GPM6A: variants seen among roughly 807,000 people sequenced by gnomAD.
The protein encoded by GPM6A is glycoprotein M6A, also known as neuronal membrane glycoprotein M6-a.
GPM6A carries 7 observed loss-of-function variants against 32.1 expected under a neutral mutation model. The observed-to-expected ratio is 0.22, with a 90% CI of 0.12 to 0.41. The LOEUF (loss-of-function observed/expected upper bound fraction) is 0.41, where lower values mean the gene tolerates loss of function less well. Ranked by LOEUF, GPM6A falls within the 10% of genes least tolerant of loss-of-function variation. The pLI, the probability that GPM6A is intolerant of heterozygous loss-of-function variation, is 1.00. For synonymous variants in GPM6A, 130 were observed against 123.4 expected (o/e 1.05, Z -0.35); for missense variants, 235 against 347.2 (o/e 0.68, Z 2.57).
chr4:175,886,877 T>C (rs1046333648), intron 1 of GPM6A, among the ~76,000 whole-genome samples: 1 of 151,678 alleles, frequency 6.6e-6, no homozygotes, highest in Non-Finnish European at 1.5e-5. Context: ...ACTTATAAGA[T>C]ACAAGTGTGG....
chr4:175,954,557 C>T lies in GPM6A; in HGVS notation c.-23+47752G>A, dbSNP rs575902567. Among the ~76,000 whole-genome samples the T allele has an allele frequency of 1.2e-3, 182 of 152,232 alleles. 1 individual carries two copies. Among genetic ancestry groups the T allele is most frequent in the African/African-American group, 4.2e-3 (174 of 41,526 alleles). ...ACACTGAGTTTTGTCTATCATTTTT[C>T]CACCCGAAGAGTCAAGCCAAAGCAA... On this transcript the variant is annotated intron_variant, in intron 1 of 7. Transcript: ENST00000280187.
intron 1 of GPM6A, among the ~76,000 whole-genome samples, chr4:175,792,134 A>G (rs1734035594): frequency 6.6e-6 from 1 of 152,166 alleles, no homozygotes; most frequent in East Asian, 1.9e-4. Flanking sequence ...ATAAAAATAT[A>G]TTTCAGTCTC....
chr4:175,967,557 AAAT>A (rs1428324004), intron 1 of GPM6A, among the ~76,000 whole-genome samples: 1 of 152,206 alleles, frequency 6.6e-6, no homozygotes, highest in Non-Finnish European at 1.5e-5. Flanking sequence ...TAAATTAATA[AAAT>A]ATTATTTTCA....
chr4:175,778,702 T>C (rs906760157), intron 1 of GPM6A, among the ~76,000 whole-genome samples: 2 of 149,020 alleles, frequency 1.3e-5, no homozygotes, highest in African/African-American at 4.9e-5. Flanking sequence ...AACAACATAG[T>C]TTTTTCCTTA....
intron 1 of GPM6A, among the ~76,000 whole-genome samples, chr4:175,768,131 T>A (rs1240015661): frequency 6.6e-6 from 1 of 152,190 alleles, no homozygotes; most frequent in East Asian, 1.9e-4. Context: ...TTTGTTTTAA[T>A]TACCTCTGAT....
intron 1 of GPM6A, among the ~76,000 whole-genome samples, chr4:175,877,193 T>A (rs563454602): frequency 6.6e-6 from 1 of 152,252 alleles, no homozygotes; most frequent in Admixed American, 6.5e-5. Flanking sequence ...TGTGGCACAA[T>A]CCTCTGCACC....
intron 1 of GPM6A, among the ~76,000 whole-genome samples, chr4:175,865,430 T>C (rs1736704727): frequency 6.6e-6 from 1 of 152,216 alleles, no homozygotes. Context: ...GATTTTTGTG[T>C]AAATTTAAGA....
chr4:175,848,589 A>G (rs1029919860), intron 1 of GPM6A, among the ~76,000 whole-genome samples: 3 of 152,182 alleles, frequency 2.0e-5, no homozygotes, highest in African/African-American at 7.2e-5. Flanking sequence ...TGAAGATCAA[A>G]TTCTGGCTTT....
chr4:175,652,669 CA>C (rs1227184248), intron 3 of GPM6A, among the ~76,000 whole-genome samples: 1 of 151,760 alleles, frequency 6.6e-6, no homozygotes, highest in Non-Finnish European at 1.5e-5. Context: ...AAAGTGTATA[CA>C]AGGTGTTCAT....
At chr4:175,704,330 C>T (rs1745045760) in intron 1 of GPM6A, among the ~76,000 whole-genome samples, 1 of 151,882 alleles carries the variant, frequency 6.6e-6, no homozygotes, top group East Asian at 2.0e-4. Flanking sequence ...CTCACACACA[C>T]ACACACACGT....
At chr4:175,721,111 A>G (rs1290034707) in intron 1 of GPM6A, among the ~76,000 whole-genome samples, 8 of 144,950 alleles carry the variant, frequency 5.5e-5, no homozygotes, top group African/African-American at 2.0e-4. Context: ...GTATATATAT[A>G]TATTTTCTAT....
rs539429765 is a variant in GPM6A, at chr4:175,697,550, T to G, written c.230+4025A>C. Among the ~76,000 whole-genome samples the G allele has an allele frequency of 1.8e-3, 272 of 152,260 alleles. 1 individual carries two copies. Among genetic ancestry groups the G allele is most frequent in the African/African-American group, 6.1e-3 (254 of 41,562 alleles). ...TCCTAATGGATAAGAAGTTGCACACTTCTTATCAAAACAGTTTGGAACTAA... is the reference window on the plus strand; with the variant it reads ...TCCTAATGGATAAGAAGTTGCACACGTCTTATCAAAACAGTTTGGAACTAA... On this transcript the variant is annotated intron_variant, in intron 2 of 6. Transcript: ENST00000393658.
intron 1 of GPM6A, among the ~76,000 whole-genome samples, chr4:175,935,033 A>ATCTC (rs1396677787): frequency 6.6e-6 from 1 of 152,202 alleles, no homozygotes; most frequent in Non-Finnish European, 1.5e-5. Context: ...AGGAATAATA[A>ATCTC]TCTCTCAGTC....
rs1004395423 is a variant in GPM6A, at chr4:175,959,085, A to G, written c.-23+43224T>C. ...AATATAGGTAGGAATAGTAGACGGA[A>G]GGAAAACTAAATTATTCTACAAAAT... On this transcript the variant is annotated intron_variant, in intron 1 of 7. Coordinates refer to the GPM6A transcript ENST00000280187. Among the ~76,000 whole-genome samples the G allele has an allele frequency of 3.6e-4, 55 of 152,228 alleles. 1 individual carries two copies. The highest frequency in any genetic ancestry group is 1.3e-3 in the African/African-American group (53 of 41,464).
intron 1 of GPM6A, among the ~76,000 whole-genome samples, chr4:175,882,142 A>C (rs1036666940): frequency 1.3e-5 from 2 of 151,994 alleles, no homozygotes. Context: ...AGCTATTTCC[A>C]CTGTTTCCAT....
chr4:175,979,060 C>T (rs966954362), intron 1 of GPM6A, among the ~76,000 whole-genome samples: 43 of 151,826 alleles, frequency 2.8e-4, no homozygotes, highest in Non-Finnish European at 1.2e-4. Context: ...CAACTTCAGG[C>T]AAATGCTAGC....
chr4:175,945,491 C>A (rs1364444850), intron 1 of GPM6A, among the ~76,000 whole-genome samples: 5 of 151,796 alleles, frequency 3.3e-5, no homozygotes, highest in South Asian at 2.1e-4. Flanking sequence ...ATAATACACA[C>A]CCATATTACT....
intron 1 of GPM6A, among the ~76,000 whole-genome samples, chr4:175,849,318 C>T (rs1234113455): frequency 6.6e-6 from 1 of 152,176 alleles, no homozygotes; most frequent in East Asian, 1.9e-4. Context: ...ACATGTGTGT[C>T]ACTTCTAAGC....
intron 1 of GPM6A, chr4:175,891,494 TTC>T (rs1737647231): frequency 6.6e-6 from 1 of 152,240 alleles, no homozygotes; most frequent in Non-Finnish European, 1.5e-5. Context: ...AATAAATCCT[TTC>T]TAACACCCTC....
Sources: allele counts gnomAD v4.1 joint callset (sites outside exome capture counted in the v4.1 genomes callset), GRCh38; gene constraint gnomAD v4.1.1; transcripts MANE v1.5; gene names NCBI Gene and HGNC (gene_info 2026-07-23, HGNC 2026-07-21).